Variants in TLK1 observed in about 807,000 individuals in gnomAD.
The protein encoded by TLK1 is tousled like kinase 1.
In TLK1, 24 loss-of-function variants were observed where a neutral mutation model predicts 105.3. The observed-to-expected ratio is 0.23, with a 90% CI of 0.17 to 0.32. The LOEUF (loss-of-function observed/expected upper bound fraction) is 0.32, where lower values mean the gene tolerates loss of function less well. Among genes scored for constraint, TLK1 ranks in the 10% least tolerant of loss-of-function variants. TLK1 has a pLI of 1.00. For synonymous variants in TLK1, 321 were observed against 310.4 expected (o/e 1.03, Z -0.36); for missense variants, 558 against 910.5 (o/e 0.61, Z 4.98).
chr2:171,114,786 G>T (rs895873858), intron 2 of TLK1, among the ~76,000 whole-genome samples: 4 of 152,060 alleles, frequency 2.6e-5, no homozygotes, highest in African/African-American at 4.8e-5. Flanking sequence ...AGTGAGCCAA[G>T]ATCATGCCAC....
At chr2:171,116,303 C>A (rs1690423209) in intron 2 of TLK1, among the ~76,000 whole-genome samples, 1 of 152,120 alleles carries the variant, frequency 6.6e-6, no homozygotes, top group Non-Finnish European at 1.5e-5. Flanking sequence ...ATACATGAAA[C>A]ATGAGAAAAT....
At chr2:171,202,551 G>C (rs1693424086) in intron 1 of TLK1, among the ~76,000 whole-genome samples, 1 of 152,234 alleles carries the variant, frequency 6.6e-6, no homozygotes, top group African/African-American at 2.4e-5. Flanking sequence ...GAGGTCAGGA[G>C]TTCAAGACCA....
At chr2:171,227,628 C>T (rs1369624781) in intron 1 of TLK1, among the ~76,000 whole-genome samples, 1 of 93,738 alleles carries the variant, frequency 1.1e-5, no homozygotes. Context: ...CTTTCACTTG[C>T]AACTGTAAAA....
intron 1 of TLK1, among the ~76,000 whole-genome samples, chr2:171,136,119 T>A (rs1417657312): frequency 2.0e-5 from 3 of 152,206 alleles, no homozygotes; most frequent in Non-Finnish European, 4.4e-5. Context: ...ACACGTACTA[T>A]GGAATATTAT....
chr2:171,129,235 A>G (rs1002500669), intron 1 of TLK1, among the ~76,000 whole-genome samples: 1 of 152,164 alleles, frequency 6.6e-6, no homozygotes, highest in Non-Finnish European at 1.5e-5. Flanking sequence ...TGAAATAAAT[A>G]CAAAAATATA....
chr2:171,054,070 A>G (rs1259655404), intron 7 of TLK1: 2 of 382,122 alleles, frequency 5.2e-6, no homozygotes, highest in Non-Finnish European at 9.3e-6. Context: ...ATTACTTAGA[A>G]TACTGATGTT....
chr2:171,140,140 T>C (rs998282231), intron 1 of TLK1, among the ~76,000 whole-genome samples: 1 of 151,818 alleles, frequency 6.6e-6, no homozygotes, highest in Non-Finnish European at 1.5e-5. Flanking sequence ...AAAAGGAAGA[T>C]AAAGAGAGTG....
At chr2:171,212,920 G>A (rs772455860) in intron 1 of TLK1, among the ~76,000 whole-genome samples, 3 of 151,490 alleles carry the variant, frequency 2.0e-5, no homozygotes, top group Admixed American at 6.6e-5. Flanking sequence ...CAAGCAAAAT[G>A]TATTTAACAT....
At chr2:171,130,664 C>T (rs546814674) in intron 1 of TLK1, among the ~76,000 whole-genome samples, 1 of 152,234 alleles carries the variant, frequency 6.6e-6, no homozygotes, top group South Asian at 2.1e-4. Flanking sequence ...TCACTTTCTA[C>T]TCACCTAGCC....
chr2:171,205,724 T>C (rs2105322622), intron 1 of TLK1, among the ~76,000 whole-genome samples: 1 of 152,366 alleles, frequency 6.6e-6, no homozygotes, highest in African/African-American at 2.4e-5. Context: ...ATGTTCACAC[T>C]TGGTAACAGC....
At chr2:171,117,943 T>G in intron 1 of TLK1, 86 bp from the exon 2 acceptor site, 3 of 881,862 alleles carry the variant, frequency 3.4e-6, no homozygotes, top group Non-Finnish European at 4.8e-6. Context: ...ATGTGATTAG[T>G]TAAGATGTTA....
chr2:171,009,577 G>T (rs926177187), intron 14 of TLK1, among the ~76,000 whole-genome samples: 13 of 152,050 alleles, frequency 8.5e-5, no homozygotes, highest in African/African-American at 3.1e-4. Context: ...CAAGTGCTAG[G>T]ATTACAGGTG....
At chr2:171,042,253 A>AT (rs1029188054) in intron 11 of TLK1, among the ~76,000 whole-genome samples, 3 of 151,860 alleles carry the variant, frequency 2.0e-5, no homozygotes, top group Non-Finnish European at 4.4e-5. Context: ...TGTTTTTTTT[A>AT]TTTTTTTCCC....
In TLK1 at chr2:171,014,837, A is replaced by T; in HGVS notation, c.1334+14T>A. 1 of 1,586,786 alleles carries T rather than the reference A, an allele frequency of 6.3e-7. No individual in the cohort carries two copies. The highest frequency in any genetic ancestry group is 2.2e-5 in the East Asian group (1 of 44,704). ...TTAATAATATGAAACTGTGAAATGC[A>T]AATAATGACTTACTGTGAATTATCT... On this transcript the variant is annotated intron_variant, in intron 13 of 20. Transcript: ENST00000431350.
chr2:171,116,810 T>C (rs1168455864), intron 2 of TLK1, among the ~76,000 whole-genome samples: 1 of 152,142 alleles, frequency 6.6e-6, no homozygotes, highest in Admixed American at 6.6e-5. Flanking sequence ...TTCTGCGATA[T>C]GGAAATACAG....
At chr2:171,142,592 G>C (rs189575871) in intron 1 of TLK1, among the ~76,000 whole-genome samples, 4 of 152,244 alleles carry the variant, frequency 2.6e-5, no homozygotes, top group African/African-American at 7.2e-5. Context: ...ACCTTGACTT[G>C]TCAGCACTTT....
chr2:171,195,232 G>T (rs551908202), intron 1 of TLK1, among the ~76,000 whole-genome samples: 3 of 151,966 alleles, frequency 2.0e-5, no homozygotes, highest in African/African-American at 4.8e-5. Context: ...GGCCGGGCGC[G>T]GTGGCTCACG....
At chr2:171,072,411 C>T (rs1305978621) in intron 3 of TLK1, among the ~76,000 whole-genome samples, 2 of 151,992 alleles carry the variant, frequency 1.3e-5, no homozygotes, top group African/African-American at 2.4e-5. Context: ...GTCAGAAGTT[C>T]GACCAGCCTG....
intron 18 of TLK1, among the ~76,000 whole-genome samples, chr2:171,001,365 G>A (rs934796523): frequency 3.9e-5 from 6 of 152,092 alleles, no homozygotes; most frequent in African/African-American, 1.4e-4. Context: ...GTGGCCAGGG[G>A]CATTGTCCAG....
Sources: gnomAD v4.1 joint callset for allele counts (sites outside exome capture counted in the v4.1 genomes callset) on GRCh38, gnomAD v4.1.1 for gene constraint, MANE v1.5 for transcripts, NCBI Gene and HGNC (gene_info 2026-07-23, HGNC 2026-07-21) for gene names.